Variants in INKA2 observed in about 807,000 individuals in gnomAD.
INKA2 encodes PAK4-inhibitor INKA2.
Under a neutral mutation model 9.8 loss-of-function variants are expected in INKA2, and 3 were observed. The observed-to-expected ratio is 0.31, with a 90% confidence interval of 0.14 to 0.79. The LOEUF (loss-of-function observed/expected upper bound fraction) is 0.79, where lower values mean the gene tolerates loss of function less well. INKA2 is among the 30% of genes least tolerant of loss of function. The pLI, the probability that INKA2 is intolerant of heterozygous loss-of-function variation, is 0.62. For missense variants in INKA2, 392 were observed against 384.4 expected (o/e 1.02, Z -0.17); for synonymous variants, 147 against 143.3 (o/e 1.03, Z -0.18).
chr1:111,742,630 C>T (rs1264937806), upstream of INKA2, among the ~76,000 whole-genome samples: 1 of 152,258 alleles, frequency 6.6e-6, no homozygotes, highest in Non-Finnish European at 1.5e-5. Flanking sequence ...TAGTCAGGAG[C>T]AGGGGAATGT....
upstream of INKA2, among the ~76,000 whole-genome samples, chr1:111,742,057 C>T (rs1663162029): frequency 6.6e-6 from 1 of 152,144 alleles, no homozygotes; most frequent in South Asian, 2.1e-4. Flanking sequence ...CCCCAGTTTT[C>T]TCCATCTCTG....
At chr1:111,749,424 G>A (rs967263135) in intron 1 of INKA2, among the ~76,000 whole-genome samples, 25 of 79,234 alleles carry the variant, frequency 3.2e-4, no homozygotes, top group Non-Finnish European at 5.4e-4. Context: ...GTGTTGGGGT[G>A]TGTGTGTGTG....
At chr1:111,745,227 A>AATATAT (rs142983500) in intron 1 of INKA2, 4 of 130,962 alleles carry the variant, frequency 3.1e-5, no homozygotes, top group African/African-American at 1.2e-4. Context: ...AAGGCAAGCA[A>AATATAT]ATATACACAC....
upstream of INKA2, among the ~76,000 whole-genome samples, chr1:111,743,190 A>AC (rs1400303765): frequency 6.6e-6 from 1 of 151,630 alleles, no homozygotes; most frequent in Non-Finnish European, 1.5e-5. Flanking sequence ...CCTTCCACCC[A>AC]CCCCCCTCCG....
At chr1:111,743,606 C>T (rs146601267), upstream of INKA2, among the ~76,000 whole-genome samples, 1 of 152,212 alleles carries the variant, frequency 6.6e-6, no homozygotes, top group Non-Finnish European at 1.5e-5. Flanking sequence ...TCCTATGGCA[C>T]CCACCTGGAG....
At chr1:111,752,622 A>G (rs1238407869) in intron 1 of INKA2, among the ~76,000 whole-genome samples, 1 of 151,818 alleles carries the variant, frequency 6.6e-6, no homozygotes, top group East Asian at 1.9e-4. Context: ...TTCTTTCCAC[A>G]TTCCCCCACC....
At chr1:111,731,473 C>T (rs1257989925) in intron 1 of INKA2, among the ~76,000 whole-genome samples, 1 of 152,092 alleles carries the variant, frequency 6.6e-6, no homozygotes, top group Non-Finnish European at 1.5e-5. Context: ...ACCTCAGCCT[C>T]CCAAGTAGCT....
rs1448840711 is a variant in INKA2, at chr1:111,722,487, C to T, written c.*4481G>A. 4 of 152,526 alleles carry T rather than the reference C, an allele frequency of 2.6e-5. No individual in the cohort carries two copies. Among genetic ancestry groups the T allele is most frequent in the African/African-American group, 9.7e-5 (4 of 41,412 alleles). The allele number at this position is 152,526 out of a possible 1,614,324, so 9.4% of individuals were successfully genotyped here. On this transcript the variant is annotated 3_prime_UTR_variant, in exon 2 of 2. Transcript: ENST00000357260. ...TACCCCTTGCCAAGAATTTGAGGTCCTTAAGGGTTGACTGTGAGGGGCAGC... is the reference window on the plus strand; with the variant it reads ...TACCCCTTGCCAAGAATTTGAGGTCTTTAAGGGTTGACTGTGAGGGGCAGC...
chr1:111,728,832 A>G (rs1662845851), intron 1 of INKA2, among the ~76,000 whole-genome samples: 1 of 151,516 alleles, frequency 6.6e-6, no homozygotes, highest in South Asian at 2.1e-4. Flanking sequence ...AGCATTTCAG[A>G]TAAGGAATGC....
At position 111,723,199 on chromosome 1, in the gene INKA2, G is replaced by C. The variant is rs1662686886; in HGVS notation, c.*3769C>G. On this transcript the variant is annotated 3_prime_UTR_variant, in exon 2 of 2. Transcript: ENST00000357260. ...CTCTTGCTCTTGTCCAGACCACGTA[G>C]GAAACGATGGTGTGACTTGGGAAAG... 5 of 616,216 alleles carry C rather than the reference G, an allele frequency of 8.1e-6. No homozygotes were observed. The South Asian group carries it at 9.2e-5, about 11-fold the overall frequency. The allele number at this position is 616,216 out of a possible 1,614,324, so 38.2% of individuals were successfully genotyped here. A position where few individuals can be genotyped will look rare whatever the true frequency, so the allele number is the denominator to read the frequency against.
At chr1:111,753,421 A>G (rs997209676) in intron 1 of INKA2, among the ~76,000 whole-genome samples, 4 of 152,242 alleles carry the variant, frequency 2.6e-5, no homozygotes, top group African/African-American at 9.6e-5. Flanking sequence ...AATTATGGTC[A>G]ACAACACTGT....
At chr1:111,755,562 C>A (rs1275402565) in intron 1 of INKA2, 9 of 916,602 alleles carry the variant, frequency 9.8e-6, no homozygotes, top group Non-Finnish European at 1.4e-5. Flanking sequence ...ACGCACCGGG[C>A]GCATCACAAA....
In INKA2 at chr1:111,750,819, C is replaced by A. The variant is rs564430984; in HGVS notation, n.124+4882G>T. On this transcript the variant is annotated intron_variant and non_coding_transcript_variant, in intron 1 of 1. Transcript: ENST00000444059. ...TCTTTACTGCTAAATAACACTACCC[C>A]CCTTTGGAAGAGCATAATGGATGAG... Among the ~76,000 whole-genome samples, 11 of 152,334 alleles carry A rather than the reference C, an allele frequency of 7.2e-5. No homozygotes were observed. The Middle Eastern group carries it at 0.01, about 141-fold the overall frequency.
chr1:111,726,235 GA>G lies in INKA2; in HGVS notation c.*732del. ...CACTTTCAAATGAGACCATGGAGAT[GA>G]AAAGGCATTCAAACAGCCCAGTGCT... On this transcript the variant is annotated 3_prime_UTR_variant, in exon 2 of 2. Transcript: ENST00000357260. The G allele has an allele frequency of 2.5e-6, 1 of 392,390 alleles. No individual in the cohort carries two copies. The highest frequency in any genetic ancestry group is 3.6e-5 in the East Asian group (1 of 27,714). 24.3% of individuals were successfully genotyped at this position (392,390 alleles called of 1,614,324 possible). A position where few individuals can be genotyped will look rare whatever the true frequency, so the allele number is the denominator to read the frequency against.
At chr1:111,735,344 G>A (rs567946994) in intron 1 of INKA2, among the ~76,000 whole-genome samples, 28 of 152,294 alleles carry the variant, frequency 1.8e-4, no homozygotes, top group South Asian at 1.7e-3. Context: ...AAGTGCCTAC[G>A]ATATGACACA....
chr1:111,738,003 G>A (rs978383189), intron 1 of INKA2, among the ~76,000 whole-genome samples: 1 of 152,224 alleles, frequency 6.6e-6, no homozygotes, highest in Non-Finnish European at 1.5e-5. Flanking sequence ...AGTGGGAAAC[G>A]CTGTCACAGA....
rs1662662077 is a variant in INKA2, at chr1:111,722,129, C to G, written c.*4839G>C. 1.3e-5 allele frequency: 2 copies of G among 152,228 alleles called. No homozygotes were observed. The allele number at this position is 152,228 out of a possible 1,614,324, so 9.4% of individuals were successfully genotyped here. On this transcript the variant is annotated 3_prime_UTR_variant, in exon 2 of 2. Coordinates refer to ENST00000357260, the MANE Select transcript of INKA2 (RefSeq NM_019099.5). The stretch of plus-strand genomic sequence containing the variant: ...GAGGCAAAAGGAAGGCAAGGGACAT[C>G]CTAGTAATCGTACTAAGGGGATGGC...
chr1:111,726,793 C>G lies in INKA2; in HGVS notation c.*175G>C. 2 of 705,984 alleles carry G rather than the reference C, an allele frequency of 2.8e-6. No individual in the cohort carries two copies. The highest frequency in any genetic ancestry group is 4.8e-6 in the Non-Finnish European group (2 of 414,728). 43.7% of individuals were successfully genotyped at this position (705,984 alleles called of 1,614,324 possible). A position where few individuals can be genotyped will look rare whatever the true frequency, so the allele number is the denominator to read the frequency against. On this transcript the variant is annotated 3_prime_UTR_variant, in exon 2 of 2. Coordinates refer to ENST00000357260, the MANE Select transcript of INKA2 (RefSeq NM_019099.5). ...CAGCTAGCCCCCAAGACAGCCTCTC[C>G]CAACCACCTTCCCTTCAGTCCTGAG...
In INKA2 at chr1:111,725,607, A is replaced by T. The variant is rs2101350903; in HGVS notation, c.*1361T>A. 6.6e-6 allele frequency: 1 copy of T among 152,562 alleles called. No individual in the cohort carries two copies. Among genetic ancestry groups the T allele is most frequent in the Non-Finnish European group, 1.5e-5 (1 of 68,174 alleles). The allele number at this position is 152,562 out of a possible 1,614,324, so 9.5% of individuals were successfully genotyped here. A position where few individuals can be genotyped will look rare whatever the true frequency, so the allele number is the denominator to read the frequency against. Reference sequence around the variant, plus strand: ...GCCACGGAATGGAGCTGGGAATTTTAAAATCAAGTGGCTATTTCTTCTGGG... The same window carrying T: ...GCCACGGAATGGAGCTGGGAATTTTTAAATCAAGTGGCTATTTCTTCTGGG... On this transcript the variant is annotated 3_prime_UTR_variant, in exon 2 of 2. Transcript: ENST00000357260.
Sources: gnomAD v4.1 joint callset for allele counts (sites outside exome capture counted in the v4.1 genomes callset) on GRCh38, gnomAD v4.1.1 for gene constraint, MANE v1.5 for transcripts, NCBI Gene and HGNC (gene_info 2026-07-23, HGNC 2026-07-21) for gene names.